The following TWSG1 variants were observed in gnomAD, a reference collection of about 807,000 sequenced individuals.
TWSG1 encodes twisted gastrulation BMP signaling modulator 1.
A neutral mutation model predicts 23.0 loss-of-function variants in TWSG1; 15 were observed. The observed-to-expected ratio is 0.65, with a 90% confidence interval of 0.44 to 1.00. TWSG1 has a LOEUF of 1.00. Among genes scored for constraint, TWSG1 ranks in the 50% least tolerant of loss-of-function variants. TWSG1 has a pLI of 0.00. For synonymous variants in TWSG1, 86 were observed against 92.8 expected, an observed-to-expected ratio of 0.93 and a Z score of 0.42; for missense variants, 242 against 278.7, an observed-to-expected ratio of 0.87 and a Z score of 0.94.
chr18:9,356,111 A>T (rs983157445), intron 2 of TWSG1, among the ~76,000 whole-genome samples: 1 of 152,212 alleles, frequency 6.6e-6, no homozygotes, highest in Non-Finnish European at 1.5e-5. Context: ...TTAATTGTAC[A>T]GTAATGAAAG....
chr18:9,396,401 T>C lies in TWSG1; in HGVS notation c.345T>C (p.Asn115=), dbSNP rs1355429969. The C allele has an allele frequency of 1.2e-6, 2 of 1,614,200 alleles. No individual in the cohort carries two copies. The highest frequency in any genetic ancestry group is 1.1e-5 in the South Asian group (1 of 91,084). Residue 115 remains asparagine, a synonymous_variant, in exon 4 of 5, where the codon AAT becomes AAC. Transcript: ENST00000262120. ...RALTEGDTQL[N]WNIVSFPVAE... The stretch of plus-strand genomic sequence containing the variant: ...TCACAGAAGGAGATACTCAGTTGAA[T>C]TGGAACATCGTTTCTTTCCCTGTTG...
rs1404136777 is a variant in TWSG1, at chr18:9,377,221, C to CT, written c.223+17162dup. On this transcript the variant is annotated intron_variant, in intron 3 of 4. Transcript: ENST00000262120. ...GATAGTCTGTTTTGTTTTTCTTTTT[C>CT]TTTTTTTTTTTTGGGGGGACAGAGT... Among the ~76,000 whole-genome samples, 89 of 145,216 alleles carry CT rather than the reference C, an allele frequency of 6.1e-4. 1 individual carries two copies. The highest frequency in any genetic ancestry group is 5.4e-3 in the East Asian group (27 of 4,992).
At chr18:9,344,554 G>T in intron 2 of TWSG1, among the ~76,000 whole-genome samples, 1 of 88,460 alleles carries the variant, frequency 1.1e-5, no homozygotes, top group African/African-American at 4.2e-5. Context: ...TTTGAGAGAG[G>T]ATCTTGCTCT....
intron 3 of TWSG1, among the ~76,000 whole-genome samples, chr18:9,383,183 G>GT (rs1403740714): frequency 2.5e-4 from 19 of 75,322 alleles, no homozygotes; most frequent in African/African-American, 7.3e-4. Flanking sequence ...CGAATTACAC[G>GT]TTTTTTTTTT....
At chr18:9,360,204 A>G in intron 3 of TWSG1, 133 bp downstream of exon 3, 1 of 595,518 alleles carries the variant, frequency 1.7e-6, no homozygotes, top group South Asian at 2.6e-5. Context: ...AACATACAGA[A>G]CATTGTATTT....
At chr18:9,355,080 T>A (rs1343415887) in intron 2 of TWSG1, among the ~76,000 whole-genome samples, 1 of 151,934 alleles carries the variant, frequency 6.6e-6, no homozygotes, top group East Asian at 1.9e-4. Flanking sequence ...CTCAGCCTCC[T>A]GAGTAGCTGG....
intron 3 of TWSG1, among the ~76,000 whole-genome samples, chr18:9,389,582 G>A (rs1165966494): frequency 6.6e-6 from 1 of 152,172 alleles, no homozygotes; most frequent in African/African-American, 2.4e-5. Context: ...AAGTTCAGCT[G>A]TATTGAAAAA....
intron 4 of TWSG1, 36 bp downstream of exon 4, chr18:9,396,582 C>A (rs1450910481): frequency 6.3e-7 from 1 of 1,596,704 alleles, no homozygotes; most frequent in Non-Finnish European, 8.5e-7. Flanking sequence ...CATTCCGCCC[C>A]CTCATGTGGT....
intron 3 of TWSG1, chr18:9,388,303 A>G (rs550442545): frequency 6.6e-6 from 1 of 152,264 alleles, no homozygotes; most frequent in African/African-American, 2.4e-5. Flanking sequence ...AAGTTCAAAG[A>G]AAAGTTCACT....
chr18:9,344,367 T>C (rs1396434516), intron 2 of TWSG1, among the ~76,000 whole-genome samples: 2 of 152,150 alleles, frequency 1.3e-5, no homozygotes, highest in Non-Finnish European at 2.9e-5. Flanking sequence ...GAGTTCTAGT[T>C]TCCCTATAGC....
intron 2 of TWSG1, among the ~76,000 whole-genome samples, chr18:9,351,627 T>G (rs972776011): frequency 3.3e-5 from 5 of 151,538 alleles, no homozygotes; most frequent in African/African-American, 7.2e-5. Flanking sequence ...GCTGGGTTTT[T>G]TTTTTTTTTT....
At chr18:9,394,345 G>A (rs149262235) in intron 3 of TWSG1, among the ~76,000 whole-genome samples, 1 of 152,262 alleles carries the variant, frequency 6.6e-6, no homozygotes, top group African/African-American at 2.4e-5. Context: ...CTCATATGTG[G>A]AAGTTAGAAA....
At chr18:9,398,901 C>T (rs1415259689) in intron 4 of TWSG1, among the ~76,000 whole-genome samples, 1 of 151,760 alleles carries the variant, frequency 6.6e-6, no homozygotes, top group Non-Finnish European at 1.5e-5. Context: ...CCCAGCTACT[C>T]GGGAGACTGA....
chr18:9,335,387 C>G (rs1352144833), intron 1 of TWSG1, among the ~76,000 whole-genome samples: 1 of 152,264 alleles, frequency 6.6e-6, no homozygotes, highest in Non-Finnish European at 1.5e-5. Context: ...ATGATGGTTT[C>G]TAACTCCTTA....
intron 2 of TWSG1, among the ~76,000 whole-genome samples, chr18:9,340,367 C>CAAAAAAAAAAA (rs775837207): frequency 4.5e-5 from 3 of 67,098 alleles, no homozygotes; most frequent in African/African-American, 5.9e-5. Context: ...GACTCCATTT[C>CAAAAAAAAAAA]AAAAAAAAAA....
chr18:9,343,863 A>G (rs2040459930), intron 2 of TWSG1, among the ~76,000 whole-genome samples: 1 of 152,216 alleles, frequency 6.6e-6, no homozygotes, highest in Non-Finnish European at 1.5e-5. Context: ...ACTGCTATGA[A>G]TATTCAAGTT....
chr18:9,345,826 A>AT (rs2040474479), intron 2 of TWSG1, among the ~76,000 whole-genome samples: 1 of 152,252 alleles, frequency 6.6e-6, no homozygotes, highest in African/African-American at 2.4e-5. Flanking sequence ...AATAGACTTT[A>AT]TTTTTTGGAA....
In TWSG1 at chr18:9,366,138, G is replaced by A. The variant is rs1001702591; in HGVS notation, c.223+6067G>A. On this transcript the variant is annotated intron_variant, in intron 3 of 4. Transcript: ENST00000262120. The stretch of plus-strand genomic sequence containing the variant: ...TTCAGTGGTGCACTGTTTGTATAAT[G>A]TTGATATAGAAATAGCAGATTCTTT... Among the ~76,000 whole-genome samples the A allele has an allele frequency of 2.0e-5, 3 of 152,318 alleles. No individual in the cohort carries two copies. The East Asian group carries it at 5.8e-4, about 29-fold the overall frequency.
chr18:9,389,686 C>T (rs1253862635), intron 3 of TWSG1, among the ~76,000 whole-genome samples: 1 of 152,054 alleles, frequency 6.6e-6, no homozygotes, highest in Non-Finnish European at 1.5e-5. Flanking sequence ...TTTTCTCCTC[C>T]CTGAATTTAT....
Sources: allele counts gnomAD v4.1 joint callset (sites outside exome capture counted in the v4.1 genomes callset), GRCh38; gene constraint gnomAD v4.1.1; transcripts MANE v1.5; gene names NCBI Gene and HGNC (gene_info 2026-07-23, HGNC 2026-07-21).